Variants in REEP5 observed in about 807,000 individuals in gnomAD.
REEP5 encodes receptor accessory protein 5.
In REEP5, 24 loss-of-function variants were observed where a neutral mutation model predicts 22.4. That is an observed-to-expected ratio of 1.07 (90% CI 0.78 to 1.51). The LOEUF is 1.51. Ranked by LOEUF, REEP5 falls within the 40% of genes most tolerant of loss-of-function variation. The pLI is 0.00. For missense variants in REEP5, 252 were observed against 233.0 expected (o/e 1.08, Z -0.53); for synonymous variants, 103 against 88.6 (o/e 1.16, Z -0.92).
At chr5:112,882,766 T>G (rs899265441) in intron 4 of REEP5, among the ~76,000 whole-genome samples, 134 of 152,310 alleles carry the variant, frequency 8.8e-4, no homozygotes, top group Middle Eastern at 3.4e-3. Context: ...TATCTGGCCC[T>G]TTACAGAAAA....
intron 3 of REEP5, among the ~76,000 whole-genome samples, chr5:112,891,290 C>T (rs1224057860): frequency 2.0e-5 from 3 of 152,078 alleles, no homozygotes; most frequent in Non-Finnish European, 4.4e-5. Context: ...CCAGGCTGGT[C>T]TCAAACTCCT....
Position 112,876,745 on chromosome 5 carries a change from C to T in REEP5, c.*2041G>A, listed in dbSNP as rs867980915. 15 of 152,140 alleles carry T rather than the reference C, an allele frequency of 9.9e-5. No homozygotes were observed. Among genetic ancestry groups the T allele is most frequent in the African/African-American group, 3.6e-4 (15 of 41,424 alleles). 9.4% of individuals were successfully genotyped at this position (152,140 alleles called of 1,614,324 possible). On this transcript the variant is annotated 3_prime_UTR_variant, in exon 5 of 5. Transcript: ENST00000379638. ...TTTGGGAAATCATGCAACAGAACTG[C>T]TCAATTCTTAACTTCTCCTGCTGTT...
At chr5:112,918,001 A>T (rs1769267569) in intron 2 of REEP5, among the ~76,000 whole-genome samples, 1 of 152,206 alleles carries the variant, frequency 6.6e-6, no homozygotes. Context: ...TCTAAATTAT[A>T]TCTTAGCAAT....
chr5:112,900,230 A>G (rs1156996251), intron 3 of REEP5, among the ~76,000 whole-genome samples: 1 of 151,946 alleles, frequency 6.6e-6, no homozygotes, highest in Non-Finnish European at 1.5e-5. Flanking sequence ...TGTATTCTGG[A>G]TATTCCTTAT....
At chr5:112,919,137 G>GTT in intron 2 of REEP5, among the ~76,000 whole-genome samples, 1 of 152,308 alleles carries the variant, frequency 6.6e-6, no homozygotes, top group African/African-American at 2.4e-5. Context: ...ATGGAGAATA[G>GTT]TTAAAATGAA....
chr5:112,890,369 CTT>C (rs34475290), intron 3 of REEP5, among the ~76,000 whole-genome samples: 76 of 143,268 alleles, frequency 5.3e-4, no homozygotes, highest in Admixed American at 7.7e-4. Context: ...AAATTTAAGT[CTT>C]TTTTTTTTTT....
chr5:112,914,497 C>G (rs1339808571), intron 2 of REEP5, among the ~76,000 whole-genome samples: 1 of 151,916 alleles, frequency 6.6e-6, no homozygotes, highest in Non-Finnish European at 1.5e-5. Flanking sequence ...CCCTGCCTGT[C>G]CCCCCAAAAA....
chr5:112,889,011 G>A (rs911037808), intron 3 of REEP5, among the ~76,000 whole-genome samples: 10 of 150,780 alleles, frequency 6.6e-5, no homozygotes, highest in Non-Finnish European at 1.3e-4. Context: ...TTCCCCTTTC[G>A]CTTGGGCTCT....
chr5:112,886,225 T>C (rs567424881), intron 4 of REEP5, among the ~76,000 whole-genome samples: 2 of 152,350 alleles, frequency 1.3e-5, no homozygotes, highest in African/African-American at 2.4e-5. Flanking sequence ...AATTCCCCTA[T>C]TTACCTGTTT....
intron 1 of REEP5, chr5:112,921,477 T>G: frequency 3.5e-6 from 2 of 570,174 alleles, no homozygotes; most frequent in Non-Finnish European, 3.1e-6. Context: ...GTGCCTCTCC[T>G]ACCTCCCGCA....
intron 4 of REEP5, among the ~76,000 whole-genome samples, chr5:112,884,798 C>T (rs1378564297): frequency 2.7e-5 from 4 of 150,598 alleles, no homozygotes; most frequent in Non-Finnish European, 5.9e-5. Flanking sequence ...CATCTTTCTA[C>T]TTGCTTTATT....
rs13190126 is a variant in REEP5, at chr5:112,903,246, C to G, written c.213-728G>C. 1.7e-3 allele frequency among the ~76,000 whole-genome samples: 252 copies of G among 152,304 alleles called. 1 individual carries two copies. The highest frequency in any genetic ancestry group is 3.1e-3 in the Non-Finnish European group (212 of 68,030). On this transcript the variant is annotated intron_variant, in intron 2 of 4. Coordinates refer to ENST00000379638, the MANE Select transcript of REEP5 (RefSeq NM_005669.5). ...ATCTCATTATTCTAAACCTGAAGCT[C>G]CACAATTTCTTATCCTAACAGATCT... is the stretch of plus-strand genomic sequence containing the variant.
intron 3 of REEP5, among the ~76,000 whole-genome samples, chr5:112,901,776 TA>T (rs911815645): frequency 1.3e-5 from 2 of 149,986 alleles, no homozygotes; most frequent in Non-Finnish European, 3.0e-5. Context: ...AATAGATTTT[TA>T]AAAAAACCAA....
intron 3 of REEP5, among the ~76,000 whole-genome samples, chr5:112,902,121 T>C (rs1302684044): frequency 6.6e-6 from 1 of 151,974 alleles, no homozygotes; most frequent in Non-Finnish European, 1.5e-5. Flanking sequence ...TTTCTTTAGA[T>C]AAAATTGTTT....
In REEP5 at chr5:112,891,712, A is replaced by T. The variant is rs1463280882; in HGVS notation, c.352-4529T>A. 1.9e-6 allele frequency: 3 copies of T among 1,614,134 alleles called. No homozygotes were observed. In the Admixed American group the frequency reaches 5.0e-5, roughly 27 times the overall value. On this transcript the variant is annotated intron_variant, in intron 3 of 4. Transcript: ENST00000379638. ...AGAGAAACCAAGCCACAAAAAGTAC[A>T]GGGCCGCCCTGAAGAAGGAGAAACG...
Position 112,877,899 on chromosome 5 carries a change from T to TGACA in REEP5, c.*883_*886dup, listed in dbSNP as rs1408137679. ...AGAAATGGTTTCCATTGTAGCATCT[T>TGACA]GACAATAGACAAATATGTAAAGTTT... On this transcript the variant is annotated 3_prime_UTR_variant, in exon 5 of 5. Coordinates refer to ENST00000379638, the MANE Select transcript of REEP5 (RefSeq NM_005669.5). 2.6e-5 allele frequency: 4 copies of TGACA among 152,118 alleles called. No homozygotes were observed. The highest frequency in any genetic ancestry group is 5.9e-5 in the Non-Finnish European group (4 of 68,032). The allele number at this position is 152,118 out of a possible 1,614,324, so 9.4% of individuals were successfully genotyped here.
At chr5:112,913,757 T>C (rs1048901833) in intron 2 of REEP5, among the ~76,000 whole-genome samples, 4 of 152,266 alleles carry the variant, frequency 2.6e-5, no homozygotes, top group Non-Finnish European at 5.9e-5. Flanking sequence ...ATCCCTACAC[T>C]TAAGACTGAA....
Position 112,917,480 on chromosome 5 carries a change from C to G in REEP5, c.212+3683G>C, listed in dbSNP as rs1000200103. Among the ~76,000 whole-genome samples the G allele has an allele frequency of 3.9e-5, 6 of 152,212 alleles. No individual in the cohort carries two copies. The South Asian group carries it at 1.2e-3, about 31-fold the overall frequency. On this transcript the variant is annotated intron_variant, in intron 2 of 4. Transcript: ENST00000379638. Reference sequence around the variant, plus strand: ...AAATAAAAAGAGGAAAAGTAATAGACATTTTTATAGAATTTTAAGCAAAAA... The same window carrying G: ...AAATAAAAAGAGGAAAAGTAATAGAGATTTTTATAGAATTTTAAGCAAAAA...
intron 2 of REEP5, among the ~76,000 whole-genome samples, chr5:112,904,959 C>CA (rs1167500164): frequency 6.6e-6 from 1 of 152,042 alleles, no homozygotes; most frequent in Admixed American, 6.6e-5. Flanking sequence ...ACACTGATCA[C>CA]AACTTTGCAG....
Sources: allele counts gnomAD v4.1 joint callset (sites outside exome capture counted in the v4.1 genomes callset), GRCh38; gene constraint gnomAD v4.1.1; transcripts MANE v1.5; gene names NCBI Gene and HGNC (gene_info 2026-07-23, HGNC 2026-07-21).